Variants in VPS16 observed in about 807,000 individuals in gnomAD.
VPS16 encodes VPS16 core subunit of CORVET and HOPS complexes.
VPS16 carries 82 observed loss-of-function variants against 116.0 expected under a neutral mutation model. The observed-to-expected ratio is 0.71, with a 90% CI of 0.59 to 0.85. The LOEUF is 0.85. VPS16 is among the 40% of genes least tolerant of loss of function. The probability of loss-of-function intolerance (pLI) is 0.00; values close to 1 mark genes in which losing one functional copy is unlikely to be tolerated. For missense variants in VPS16, 928 were observed against 1,090.6 expected (o/e 0.85, Z 2.10); for synonymous variants, 406 against 420.7 (o/e 0.96, Z 0.43).
intron 13 of VPS16, 41 bp downstream of exon 13, chr20:2,862,975 G>A (rs2146671613): frequency 1.2e-6 from 2 of 1,613,814 alleles, no homozygotes; most frequent in Non-Finnish European, 1.7e-6. Flanking sequence ...ACAGCCAGGG[G>A]TGGCAGGGGA....
chr20:2,860,850 C>G lies in VPS16; in HGVS notation c.617C>G (p.Ala206Gly). Residue 206 changes from alanine to glycine, a missense_variant, in exon 6 of 24, where the codon GCC becomes GGC. Coordinates refer to ENST00000380445, the MANE Select transcript of VPS16 (RefSeq NM_022575.4). This position sits in a 1 kb window ranked among gnomAD's most constrained non-coding sequence, Gnocchi z 6.1. Reference protein sequence around the residue: ...GPDLYLLDHAACSAVTPPGLA... With the variant: ...GPDLYLLDHAGCSAVTPPGLA... The stretch of plus-strand genomic sequence containing the variant: ...GACCTTTACCTCTTGGACCATGCAG[C>G]CTGCTCCGCAGTGGTAAGGGCCCTG... The G allele has an allele frequency of 6.2e-7, 1 of 1,614,096 alleles. No homozygotes were observed. The highest frequency in any genetic ancestry group is 8.5e-7 in the Non-Finnish European group (1 of 1,180,030).
At chr20:2,850,775 C>T (rs2089110331) in intron 1 of VPS16, among the ~76,000 whole-genome samples, 1 of 151,140 alleles carries the variant, frequency 6.6e-6, no homozygotes, top group South Asian at 2.1e-4. Context: ...TGAGACCAGC[C>T]TGGGCAACAT....
chr20:2,844,082 T>C (rs931966859), intron 1 of VPS16, among the ~76,000 whole-genome samples: 5 of 152,132 alleles, frequency 3.3e-5, no homozygotes, highest in Non-Finnish European at 7.3e-5. Context: ...AGTAGTGGAG[T>C]CAGGCTTTGA....
At position 2,863,416 on chromosome 20, in the gene VPS16, G is replaced by T; in HGVS notation, c.1476+18G>T. The T allele has an allele frequency of 6.2e-7, 1 of 1,611,852 alleles. No homozygotes were observed. The highest frequency in any genetic ancestry group is 1.1e-5 in the South Asian group (1 of 91,036). ...GCTACAAGGCAAGGATGTGGGATGG[G>T]GTCCAAGGGCATTTAGAGGATTCCA... is the stretch of plus-strand genomic sequence containing the variant. On this transcript the variant is annotated intron_variant, in intron 15 of 23. Transcript: ENST00000380445. The surrounding 1 kb of genome is among the most constrained non-coding windows in gnomAD (Gnocchi z 4.4).
intron 10 of VPS16, 38 bp downstream of exon 10, chr20:2,861,937 G>C: frequency 1.9e-6 from 3 of 1,608,408 alleles, no homozygotes; most frequent in Non-Finnish European, 2.5e-6. Flanking sequence ...ACCCAAGGTG[G>C]GGACTCCTCG....
At chr20:2,846,376 C>G (rs2089060205) in intron 1 of VPS16, among the ~76,000 whole-genome samples, 1 of 151,994 alleles carries the variant, frequency 6.6e-6, no homozygotes, top group Non-Finnish European at 1.5e-5. Flanking sequence ...CTCGGCCTCC[C>G]AAAGTGCTGG....
Position 2,840,807 on chromosome 20 carries a change from C to T in VPS16, c.33C>T (p.Leu11=). ...GCTACACGGCGAACTGGAACCCACT[C>T]GGGGACTCTGCCTTTTACCGGTGAG... is the stretch of plus-strand genomic sequence containing the variant. MDCYTANWNP[L]GDSAFYRKYE... Residue 11 remains leucine (L), a synonymous_variant, in exon 1 of 24, where the codon CTC becomes CTT. Transcript: ENST00000380445. 1 of 1,548,172 alleles carries T rather than the reference C, an allele frequency of 6.5e-7. No individual in the cohort carries two copies. Among genetic ancestry groups the T allele is most frequent in the Non-Finnish European group, 8.7e-7 (1 of 1,146,562 alleles).
intron 1 of VPS16, among the ~76,000 whole-genome samples, chr20:2,842,741 T>TACATATGGATGTATCTATATATAGATAG (rs2089003468): frequency 4.5e-5 from 1 of 22,382 alleles, no homozygotes; most frequent in Non-Finnish European, 7.6e-5. Flanking sequence ...TATCTATAGA[T>TACATATGGATGTATCTATATATAGATAG]ACATATAGAT....
At chr20:2,849,957 G>A (rs1360239243) in intron 1 of VPS16, among the ~76,000 whole-genome samples, 2 of 152,172 alleles carry the variant, frequency 1.3e-5, no homozygotes, top group African/African-American at 4.8e-5. Context: ...TATCTTCTGG[G>A]ACTATTCCTT....
chr20:2,862,965 A>C, intron 13 of VPS16, 31 bp downstream of exon 13: 1 of 1,613,688 alleles, frequency 6.2e-7, no homozygotes, highest in Non-Finnish European at 8.5e-7. Flanking sequence ...AGGGTACCCT[A>C]CAGCCAGGGG....
chr20:2,861,174 T>A, intron 7 of VPS16, 51 bp from the exon 8 acceptor site: 1 of 1,614,190 alleles, frequency 6.2e-7, no homozygotes, highest in South Asian at 1.1e-5. Context: ...GCTTTTCGAC[T>A]AGAATGGTGA....
In VPS16 at chr20:2,864,068, G is replaced by A. The variant is rs2089282594; in HGVS notation, c.1596G>A (p.Thr532=). ...IAARAYGCGR[T]ELAIKLLEYE... ...CACGAGCCTATGGTTGTGGCCGCAC[G>A]GAGCTGGCCATCAAGGTGTGGGTGC... Residue 532 remains threonine (T), a synonymous_variant, in exon 16 of 24, where the codon ACG becomes ACA. Transcript: ENST00000380445. The surrounding 1 kb of genome is among the most constrained non-coding windows in gnomAD (Gnocchi z 5.2). The A allele has an allele frequency of 3.7e-6, 6 of 1,614,020 alleles. No homozygotes were observed. Among genetic ancestry groups the A allele is most frequent in the South Asian group, 1.1e-5 (1 of 91,088 alleles).
chr20:2,857,892 G>A (rs1269180960), intron 1 of VPS16, among the ~76,000 whole-genome samples: 5 of 151,568 alleles, frequency 3.3e-5, no homozygotes, highest in African/African-American at 1.2e-4. Flanking sequence ...TGTATTTTTA[G>A]TAGAGACAGG....
At chr20:2,841,131 C>CT in intron 1 of VPS16, 1 of 460,818 alleles carries the variant, frequency 2.2e-6, no homozygotes, top group East Asian at 4.3e-5. Flanking sequence ...AGTGCCCAGT[C>CT]TCCTGCCGGA....
Position 2,862,070 on chromosome 20 carries a change from C to T in VPS16, c.1011C>T (p.Ile337=). The part of the protein sequence containing the change: ...LHEVPAASEE[I]FKIASMAPGA... ...CTTCCCCAGCGGCCAGCGAGGAAAT[C>T]TTCAAAATTGCCTCAATGGCCCCCG... Residue 337 remains isoleucine, a synonymous_variant, in exon 11 of 24, where the codon ATC becomes ATT. Coordinates refer to ENST00000380445, the MANE Select transcript of VPS16 (RefSeq NM_022575.4). 1 of 1,613,956 alleles carries T rather than the reference C, an allele frequency of 6.2e-7. No individual in the cohort carries two copies. The highest frequency in any genetic ancestry group is 8.5e-7 in the Non-Finnish European group (1 of 1,179,966).
At chr20:2,850,978 AAAAAAG>A (rs1200059293) in intron 1 of VPS16, among the ~76,000 whole-genome samples, 6 of 151,050 alleles carry the variant, frequency 4.0e-5, no homozygotes, top group Non-Finnish European at 7.4e-5. Context: ...AAAAAAAAAA[AAAAAAG>A]AAAAAGAATA....
intron 1 of VPS16, among the ~76,000 whole-genome samples, chr20:2,857,509 TC>T (rs1289606516): frequency 2.7e-4 from 37 of 138,860 alleles, no homozygotes; most frequent in African/African-American, 1.0e-3. Context: ...TGTATTTCTT[TC>T]TTTTTTTTTT....
intron 1 of VPS16, among the ~76,000 whole-genome samples, chr20:2,846,977 C>G (rs2089066437): frequency 6.6e-6 from 1 of 152,150 alleles, no homozygotes; most frequent in South Asian, 2.1e-4. Flanking sequence ...ATGGGGCTGG[C>G]CTTCCTCACT....
At chr20:2,866,031 T>G in intron 22 of VPS16, 181 bp from the exon 23 acceptor site, 1 of 622,376 alleles carries the variant, frequency 1.6e-6, no homozygotes, top group Non-Finnish European at 2.8e-6. Context: ...AGGTGATTTC[T>G]GCCCTAAGAA....
Sources: gnomAD v4.1 joint callset for allele counts (sites outside exome capture counted in the v4.1 genomes callset) on GRCh38, gnomAD v4.1.1 for gene constraint, Gnocchi (gnomAD v3.1) non-coding constraint, MANE v1.5 for transcripts, NCBI Gene and HGNC (gene_info 2026-07-23, HGNC 2026-07-21) for gene names.